The following TM2D3 variants were observed in gnomAD, a reference collection of about 807,000 sequenced individuals.
TM2D3 encodes TM2 domain-containing protein 3.
A neutral mutation model predicts 27.3 loss-of-function variants in TM2D3; 33 were observed. That is an observed-to-expected ratio of 1.21 (90% CI 0.92 to 1.61). TM2D3 has a LOEUF of 1.61. Among genes scored for constraint, TM2D3 ranks in the 40% most tolerant of loss-of-function variants. The pLI is 0.00. For missense variants in TM2D3, 364 were observed against 320.8 expected, an observed-to-expected ratio of 1.13 and a Z score of -1.03; for synonymous variants, 138 against 122.2, an observed-to-expected ratio of 1.13 and a Z score of -0.85.
chr15:101,641,357 C>T (rs1008331256), downstream of TM2D3, among the ~76,000 whole-genome samples: 12 of 152,140 alleles, frequency 7.9e-5, no homozygotes, highest in Non-Finnish European at 1.6e-4. Context: ...CGCCACCTAG[C>T]GACGAGAGAT....
chr15:101,642,769 G>A, intron 5 of TM2D3, 125 bp from the exon 6 acceptor site: 1 of 644,656 alleles, frequency 1.6e-6, no homozygotes, highest in Non-Finnish European at 2.4e-6. Flanking sequence ...CCCTTAACTG[G>A]AACACAAGTG....
downstream of TM2D3, among the ~76,000 whole-genome samples, chr15:101,638,319 A>G (rs141822963): frequency 9.2e-3 from 1,379 of 149,402 alleles, 22 homozygotes; most frequent in South Asian, 0.063. Context: ...TTGGAGACAG[A>G]GTTTCGCTCT....
chr15:101,636,394 G>A (rs1448900216), intron 4 of TM2D3: 1 of 152,168 alleles, frequency 6.6e-6, no homozygotes, highest in African/African-American at 2.4e-5. Context: ...AAGACAAAAA[G>A]GAGAAAGTCA....
At chr15:101,643,624 C>A (rs199694245) in intron 5 of TM2D3, among the ~76,000 whole-genome samples, 6,825 of 93,546 alleles carry the variant, frequency 0.073, 1 homozygote, top group Middle Eastern at 0.094. Flanking sequence ...AAAAAAAAAG[C>A]AAAAAAAAAA....
At chr15:101,645,016 A>T in intron 5 of TM2D3, 71 bp downstream of exon 5, 1 of 1,329,842 alleles carries the variant, frequency 7.5e-7, no homozygotes. Context: ...GACTGAGCTC[A>T]ATGTCTGAAG....
chr15:101,634,016 C>G (rs1896502910), intron 4 of TM2D3: 1 of 292,818 alleles, frequency 3.4e-6, no homozygotes. Context: ...AAAAAGGTAC[C>G]AAGGGAAATT....
chr15:101,638,742 G>A (rs1896604542), downstream of TM2D3, among the ~76,000 whole-genome samples: 1 of 152,126 alleles, frequency 6.6e-6, no homozygotes, highest in African/African-American at 2.4e-5. Context: ...CTTGTTCGCT[G>A]TGGAGTTTTC....
chr15:101,649,304 C>CT (rs547454447), intron 3 of TM2D3, among the ~76,000 whole-genome samples: 28 of 146,692 alleles, frequency 1.9e-4, no homozygotes, highest in Middle Eastern at 3.5e-3. Flanking sequence ...TGCCTTTATG[C>CT]TTTTTTTTTT....
intron 2 of TM2D3, 169 bp from the exon 3 acceptor site, chr15:101,650,330 C>T: frequency 1.7e-6 from 1 of 599,326 alleles, no homozygotes; most frequent in African/African-American, 1.9e-5. Flanking sequence ...GAATTCTGCC[C>T]ACGGCCAGCT....
chr15:101,646,636 A>T (rs746210446), intron 4 of TM2D3, 89 bp downstream of exon 4: 1 of 1,444,378 alleles, frequency 6.9e-7, no homozygotes, highest in South Asian at 1.2e-5. Flanking sequence ...CTAATTAAGT[A>T]ACTTGACTCG....
intron 3 of TM2D3, 35 bp downstream of exon 3, chr15:101,649,969 G>T: frequency 6.3e-7 from 1 of 1,584,964 alleles, no homozygotes; most frequent in South Asian, 1.1e-5. Context: ...AGTTTACAAT[G>T]AATTTATTTA....
intron 3 of TM2D3, 54 bp from the exon 4 acceptor site, chr15:101,646,953 AT>A: frequency 1.3e-6 from 2 of 1,598,144 alleles, no homozygotes; most frequent in Non-Finnish European, 1.7e-6. Context: ...GTCTGTTAAG[AT>A]GTCAGTAAGA....
chr15:101,646,482 T>C lies in TM2D3; in HGVS notation c.502+243A>G, dbSNP rs184053364. The stretch of plus-strand genomic sequence containing the variant: ...TTTTGGGTAAAGGTCAATTACTGTG[T>C]ATTATGCTTTATACTTCAAATGTTT... On this transcript the variant is annotated intron_variant, in intron 4 of 5. Transcript: ENST00000333202. The C allele has an allele frequency of 1.3e-3, 542 of 412,768 alleles. 2 individuals carry two copies. The highest frequency in any genetic ancestry group is 0.012 in the African/African-American group (494 of 41,472). The allele number at this position is 412,768 out of a possible 1,614,324, so 25.6% of individuals were successfully genotyped here.
intron 4 of TM2D3, chr15:101,645,413 C>A: frequency 2.0e-6 from 1 of 492,670 alleles, no homozygotes; most frequent in Non-Finnish European, 3.6e-6. Context: ...GGGGAAGTTA[C>A]GAGTATATAA....
chr15:101,645,637 C>T (rs1372122472), intron 4 of TM2D3: 1 of 152,736 alleles, frequency 6.5e-6, no homozygotes, highest in Non-Finnish European at 1.5e-5. Context: ...CAGGTGGATT[C>T]TAAACCTAAA....
chr15:101,640,557 A>G (rs986773585), downstream of TM2D3, among the ~76,000 whole-genome samples: 25 of 152,260 alleles, frequency 1.6e-4, no homozygotes, highest in African/African-American at 4.8e-4. Flanking sequence ...TGCTGCCAGC[A>G]GAGGCCCATG....
intron 5 of TM2D3, among the ~76,000 whole-genome samples, chr15:101,643,240 C>A (rs72761632): frequency 2.0e-5 from 3 of 152,096 alleles, no homozygotes; most frequent in African/African-American, 7.2e-5. Flanking sequence ...CATCAAAACC[C>A]TCCTCTTTCC....
In TM2D3 at chr15:101,642,001, T is replaced by C. The variant is rs980734523; in HGVS notation, c.*478A>G. On this transcript the variant is annotated 3_prime_UTR_variant, in exon 6 of 6. Coordinates refer to ENST00000333202, the MANE Select transcript of TM2D3 (RefSeq NM_078474.3). ...CTACATATGTATTACACTGCAAAAC[T>C]TACACATGACTGAAGCTGAGCCTAA... 1 of 985,810 alleles carries C rather than the reference T, an allele frequency of 1.0e-6. No homozygotes were observed. The highest frequency in any genetic ancestry group is 1.7e-5 in the African/African-American group (1 of 57,238). 61.1% of individuals were successfully genotyped at this position (985,810 alleles called of 1,614,324 possible). A position where few individuals can be genotyped will look rare whatever the true frequency, so the allele number is the denominator to read the frequency against.
rs142692235 is a variant in TM2D3 at position 101,646,487 on chromosome 15, T to C, written c.502+238A>G. On this transcript the variant is annotated intron_variant, in intron 4 of 5. Transcript: ENST00000333202. ...GGTAAAGGTCAATTACTGTGTATTATGCTTTATACTTCAAATGTTTTTCTT... is the reference window on the plus strand; with the variant it reads ...GGTAAAGGTCAATTACTGTGTATTACGCTTTATACTTCAAATGTTTTTCTT... 1,032 of 477,956 alleles carry C rather than the reference T, an allele frequency of 2.2e-3. 10 individuals carry two copies. In the African/African-American group the frequency reaches 0.022, roughly 10 times the overall value. 29.6% of individuals were successfully genotyped at this position (477,956 alleles called of 1,614,324 possible). A position where few individuals can be genotyped will look rare whatever the true frequency, so the allele number is the denominator to read the frequency against.
Sources: allele counts gnomAD v4.1 joint callset (sites outside exome capture counted in the v4.1 genomes callset), GRCh38; gene constraint gnomAD v4.1.1; transcripts MANE v1.5; gene names NCBI Gene and HGNC (gene_info 2026-07-23, HGNC 2026-07-21).